Variants in PLXDC2 observed in about 807,000 individuals in gnomAD.
PLXDC2 encodes the protein plexin domain-containing protein 2.
A neutral mutation model predicts 68.9 loss-of-function variants in PLXDC2; 40 were observed. The ratio of observed to expected loss-of-function variants is 0.58; its 90% confidence interval spans 0.45 to 0.76. PLXDC2 has a LOEUF of 0.76. PLXDC2 is among the 30% of genes least tolerant of loss of function. The probability of loss-of-function intolerance (pLI) is 0.00; values close to 1 mark genes in which losing one functional copy is unlikely to be tolerated. For synonymous variants in PLXDC2, 243 were observed against 234.2 expected (o/e 1.04, Z -0.34); for missense variants, 644 against 661.9 (o/e 0.97, Z 0.30).
intron 4 of PLXDC2, among the ~76,000 whole-genome samples, chr10:20,123,141 T>C (rs1380854367): frequency 1.3e-5 from 2 of 150,756 alleles, no homozygotes; most frequent in Admixed American, 1.3e-4. Flanking sequence ...GGAGGGGAGG[T>C]GTGATAAAAG....
intron 1 of PLXDC2, among the ~76,000 whole-genome samples, chr10:19,853,540 G>A (rs1227376330): frequency 6.6e-6 from 1 of 151,638 alleles, no homozygotes; most frequent in African/African-American, 2.4e-5. Context: ...ACAAGTGTGG[G>A]GCACCACCCC....
intron 7 of PLXDC2, among the ~76,000 whole-genome samples, chr10:20,174,985 A>G (rs1451307250): frequency 6.6e-6 from 1 of 152,050 alleles, no homozygotes; most frequent in African/African-American, 2.4e-5. Flanking sequence ...GTTGGGTGTA[A>G]TGATTTCAAT....
intron 12 of PLXDC2, among the ~76,000 whole-genome samples, chr10:20,229,500 T>C (rs1011368634): frequency 3.1e-5 from 4 of 130,096 alleles, no homozygotes; most frequent in African/African-American, 1.2e-4. Context: ...TCACGTAATA[T>C]GCTGATCCAC....
chr10:19,818,016 C>A (rs1250439783), intron 1 of PLXDC2, among the ~76,000 whole-genome samples: 2 of 152,060 alleles, frequency 1.3e-5, no homozygotes, highest in African/African-American at 2.4e-5. Flanking sequence ...CTGCCCACCG[C>A]GAACTGGGTG....
intron 12 of PLXDC2, among the ~76,000 whole-genome samples, chr10:20,226,949 C>A (rs1328234196): frequency 6.6e-6 from 1 of 151,520 alleles, no homozygotes; most frequent in Non-Finnish European, 1.5e-5. Flanking sequence ...TATGAGGGGC[C>A]CCAGGAACAG....
intron 1 of PLXDC2, among the ~76,000 whole-genome samples, chr10:19,972,391 A>C (rs1031918296): frequency 6.6e-6 from 1 of 152,170 alleles, no homozygotes; most frequent in Non-Finnish European, 1.5e-5. Context: ...GGAGCTAAAC[A>C]CTGAGGACTT....
chr10:20,250,815 G>C (rs530193820), intron 13 of PLXDC2, among the ~76,000 whole-genome samples: 2 of 152,332 alleles, frequency 1.3e-5, no homozygotes, highest in South Asian at 4.1e-4. Flanking sequence ...CCAAAAGCAT[G>C]ACACCAATTC....
At chr10:19,977,430 A>G (rs140852134) in intron 1 of PLXDC2, among the ~76,000 whole-genome samples, 1 of 152,300 alleles carries the variant, frequency 6.6e-6, no homozygotes, top group East Asian at 1.9e-4. Context: ...AAGCCTGGAT[A>G]TTAGCATTCT....
chr10:20,073,466 G>A (rs1056159554), intron 4 of PLXDC2, among the ~76,000 whole-genome samples: 3 of 152,150 alleles, frequency 2.0e-5, no homozygotes, highest in African/African-American at 4.8e-5. Context: ...CTACGAATAA[G>A]CTTAAGTTTC....
intron 9 of PLXDC2, among the ~76,000 whole-genome samples, chr10:20,186,947 G>A (rs922541350): frequency 4.6e-5 from 7 of 152,002 alleles, no homozygotes; most frequent in African/African-American, 1.4e-4. Flanking sequence ...TGGGATTGCA[G>A]GGTCAAATGG....
intron 1 of PLXDC2, among the ~76,000 whole-genome samples, chr10:19,994,156 A>G (rs1021941790): frequency 1.3e-5 from 2 of 151,928 alleles, no homozygotes; most frequent in Admixed American, 6.6e-5. Flanking sequence ...TGCAATCATA[A>G]GTGTAGCTAA....
chr10:19,928,577 C>T (rs1833577506), intron 1 of PLXDC2, among the ~76,000 whole-genome samples: 1 of 152,000 alleles, frequency 6.6e-6, no homozygotes, highest in African/African-American at 2.4e-5. Flanking sequence ...CTTGGGAGAC[C>T]ATCCCGTGAT....
intron 5 of PLXDC2, among the ~76,000 whole-genome samples, chr10:20,146,650 T>G (rs1834085725): frequency 6.6e-6 from 1 of 151,096 alleles, no homozygotes; most frequent in Non-Finnish European, 1.5e-5. Flanking sequence ...GTTAAAAAAC[T>G]TTTTTTTCTT....
rs555329002 is a variant in PLXDC2, at chr10:20,065,427, T to C, written c.472-2743T>C. The stretch of plus-strand genomic sequence containing the variant: ...TGGGGGAGTGATATGCTAGGTAATA[T>C]AGAGCAGCAAGCCCCAACTATTTTG... On this transcript the variant is annotated intron_variant, in intron 3 of 13. Coordinates refer to ENST00000377252, the MANE Select transcript of PLXDC2 (RefSeq NM_032812.9). 1.2e-4 allele frequency among the ~76,000 whole-genome samples: 18 copies of C among 152,260 alleles called. No individual in the cohort carries two copies. In the South Asian group the frequency reaches 3.7e-3, roughly 32 times the overall value.
chr10:19,906,716 C>G (rs1237368951), intron 1 of PLXDC2, among the ~76,000 whole-genome samples: 1 of 151,996 alleles, frequency 6.6e-6, no homozygotes, highest in Non-Finnish European at 1.5e-5. Context: ...GGCCCCAGCA[C>G]CAAAAATACA....
At chr10:20,046,574 A>T (rs1191767568) in intron 2 of PLXDC2, among the ~76,000 whole-genome samples, 1 of 152,134 alleles carries the variant, frequency 6.6e-6, no homozygotes, top group African/African-American at 2.4e-5. Flanking sequence ...GGATTTCAGT[A>T]ATCATTTTAT....
intron 1 of PLXDC2, among the ~76,000 whole-genome samples, chr10:19,861,947 G>A (rs111735630): frequency 0.014 from 2,147 of 152,222 alleles, 25 homozygotes; most frequent in Non-Finnish European, 0.023. Context: ...TAACAAGTAG[G>A]ATTGATTTCA....
intron 12 of PLXDC2, among the ~76,000 whole-genome samples, chr10:20,237,000 G>GTT (rs572302166): frequency 7.4e-6 from 1 of 134,690 alleles, no homozygotes. Context: ...ATGAGTTGTT[G>GTT]TTTTTTTTTT....
intron 4 of PLXDC2, among the ~76,000 whole-genome samples, chr10:20,131,600 A>G (rs980006532): frequency 1.1e-4 from 17 of 152,076 alleles, no homozygotes; most frequent in African/African-American, 4.1e-4. Context: ...GGGTTTCATC[A>G]TATTGGTCAG....
Sources: gnomAD v4.1 joint callset for allele counts (sites outside exome capture counted in the v4.1 genomes callset) on GRCh38, gnomAD v4.1.1 for gene constraint, MANE v1.5 for transcripts, NCBI Gene and HGNC (gene_info 2026-07-23, HGNC 2026-07-21) for gene names.